CPEB2: variants seen among roughly 807,000 people sequenced by gnomAD.
CPEB2 encodes the protein cytoplasmic polyadenylation element-binding protein 2.
Under a neutral mutation model 93.6 loss-of-function variants are expected in CPEB2, and 56 were observed. The ratio of observed to expected loss-of-function variants is 0.60; its 90% CI spans 0.48 to 0.75. The LOEUF (loss-of-function observed/expected upper bound fraction) is 0.75, where lower values mean the gene tolerates loss of function less well. CPEB2 is among the 30% of genes least tolerant of loss of function. The pLI is 0.00. For missense variants in CPEB2, 1,579 were observed against 1,395.1 expected (o/e 1.13, Z -2.10); for synonymous variants, 764 against 586.3 (o/e 1.30, Z -4.38).
intron 4 of CPEB2, among the ~76,000 whole-genome samples, chr4:15,031,274 G>A (rs1347409417): frequency 7.1e-6 from 1 of 141,680 alleles, no homozygotes; most frequent in African/African-American, 2.6e-5. Context: ...GTAGGAGTTT[G>A]TTTTTTTTTT....
rs1433542701 is a variant in CPEB2 at position 15,030,425 on chromosome 4, GA to G, written c.2126-2734del. Among the ~76,000 whole-genome samples, 5 of 152,138 alleles carry G rather than the reference GA, an allele frequency of 3.3e-5. No homozygotes were observed. In the East Asian group the frequency reaches 9.7e-4, roughly 29 times the overall value. ...ATATAGTGTTGTCATCTTAAAATGGGAAGATAATAATACCTAACTCATAGGA... is the reference window on the plus strand; with the variant it reads ...ATATAGTGTTGTCATCTTAAAATGGGAGATAATAATACCTAACTCATAGGA... On this transcript the variant is annotated intron_variant, in intron 4 of 11. Transcript: ENST00000538197.
chr4:15,026,340 C>T (rs2109013509), intron 4 of CPEB2, among the ~76,000 whole-genome samples: 1 of 151,984 alleles, frequency 6.6e-6, no homozygotes, highest in South Asian at 2.1e-4. Flanking sequence ...GATTGTCCTG[C>T]CTCAGCTTCC....
At chr4:15,017,514 C>T in intron 4 of CPEB2, 1 of 311,454 alleles carries the variant, frequency 3.2e-6, no homozygotes, top group Non-Finnish European at 5.9e-6. Flanking sequence ...TAGAGACATG[C>T]TTCAGTTCAC....
At chr4:15,041,255 T>A (rs577454977) in intron 6 of CPEB2, among the ~76,000 whole-genome samples, 9 of 152,284 alleles carry the variant, frequency 5.9e-5, no homozygotes, top group African/African-American at 1.9e-4. Flanking sequence ...AGTATGCTAC[T>A]AGATTGTTCT....
rs1287972956 is a variant in CPEB2, at chr4:15,067,439, T to C, written c.*1059T>C. The C allele has an allele frequency of 8.5e-5, 13 of 152,450 alleles. No homozygotes were observed. The Admixed American group carries it at 8.5e-4, about 10-fold the overall frequency. The allele number at this position is 152,450 out of a possible 1,614,324, so 9.4% of individuals were successfully genotyped here. On this transcript the variant is annotated 3_prime_UTR_variant, in exon 12 of 12. Transcript: ENST00000538197. Reference sequence around the variant, plus strand: ...TTTTGTGACGTGCGGTTCTAATTCATGTGCAGTGATATAGTATAGATAAAA... The same window carrying C: ...TTTTGTGACGTGCGGTTCTAATTCACGTGCAGTGATATAGTATAGATAAAA...
intron 11 of CPEB2, among the ~76,000 whole-genome samples, chr4:15,063,069 T>C (rs1019382614): frequency 6.6e-6 from 1 of 152,082 alleles, no homozygotes; most frequent in Non-Finnish European, 1.5e-5. Context: ...AATATGCGGG[T>C]AAATGAATTT....
At chr4:15,008,820 A>G (rs990213439) in intron 3 of CPEB2, among the ~76,000 whole-genome samples, 1 of 152,142 alleles carries the variant, frequency 6.6e-6, no homozygotes, top group South Asian at 2.1e-4. Context: ...TTTTCAGTAA[A>G]TTTTTGTCAT....
intron 4 of CPEB2, among the ~76,000 whole-genome samples, chr4:15,032,704 C>T (rs1726244137): frequency 6.6e-6 from 1 of 151,848 alleles, no homozygotes; most frequent in Non-Finnish European, 1.5e-5. Flanking sequence ...AATTTTTCTG[C>T]TTATTTTTTA....
At chr4:15,028,254 T>C (rs1259607324) in intron 4 of CPEB2, among the ~76,000 whole-genome samples, 1 of 152,008 alleles carries the variant, frequency 6.6e-6, no homozygotes, top group Non-Finnish European at 1.5e-5. Context: ...TAAGCAGGAC[T>C]TTTGCAATAT....
At chr4:15,011,760 A>G (rs1258976695) in intron 3 of CPEB2, among the ~76,000 whole-genome samples, 1 of 152,222 alleles carries the variant, frequency 6.6e-6, no homozygotes, top group African/African-American at 2.4e-5. Flanking sequence ...CATATGACAT[A>G]TCAGCTCACT....
rs1017569860 is a variant in CPEB2 at position 15,044,834 on chromosome 4, TAC to T, written c.2200+4356_2200+4357del. Among the ~76,000 whole-genome samples the T allele has an allele frequency of 3.9e-4, 60 of 152,246 alleles. 1 individual carries two copies. The highest frequency in any genetic ancestry group is 1.3e-3 in the African/African-American group (53 of 41,566). ...CATGGATGTGTGCCGCACATACACC[TAC>T]ACACACACGGAGACCAGAGACCATA... On this transcript the variant is annotated intron_variant, in intron 6 of 11. Coordinates refer to ENST00000538197, the MANE Select transcript of CPEB2 (RefSeq NM_001177382.2).
chr4:15,033,100 T>C, intron 4 of CPEB2, 61 bp from the exon 5 acceptor site: 2 of 1,228,788 alleles, frequency 1.6e-6, no homozygotes, highest in Non-Finnish European at 2.3e-6. Context: ...TTTTGTTTTT[T>C]TGTTTTTGCT....
chr4:15,059,356 C>A lies in CPEB2; in HGVS notation c.2695+55C>A. On this transcript the variant is annotated intron_variant, in intron 10 of 11. Coordinates refer to ENST00000538197, the MANE Select transcript of CPEB2 (RefSeq NM_001177382.2). ...AAAAATCATTTAAATATGTCCTAGTCAATTTAATAAACGTTTGGAAGCTAT... is the reference window on the plus strand; with the variant it reads ...AAAAATCATTTAAATATGTCCTAGTAAATTTAATAAACGTTTGGAAGCTAT... 3 of 1,149,790 alleles carry A rather than the reference C, an allele frequency of 2.6e-6. No individual in the cohort carries two copies. The South Asian group carries it at 3.9e-5, about 15-fold the overall frequency. The allele number at this position is 1,149,790 out of a possible 1,614,324, so 71.2% of individuals were successfully genotyped here.
intron 4 of CPEB2, among the ~76,000 whole-genome samples, chr4:15,027,453 G>T (rs898375470): frequency 1.3e-5 from 2 of 152,156 alleles, no homozygotes; most frequent in Non-Finnish European, 2.9e-5. Flanking sequence ...CTTTTATGAG[G>T]CATGCATTGA....
chr4:15,004,175 C>A lies in CPEB2; in HGVS notation c.1502C>A (p.Pro501Gln). ...TCGGCTACCGCTGTGCCCCCTCCGC[C>A]GCCGCCCGCCATGAATATACCTCAA... Reference protein sequence around the residue: ...PFSATAVPPPPPPAMNIPQQQ... With the variant: ...PFSATAVPPPQPPAMNIPQQQ... Residue 501 changes from proline to glutamine, a missense_variant, in exon 1 of 12, where the codon CCG becomes CAG. Physicochemically the swap from Pro to Gln is moderately conservative, Grantham distance 76. This residue lies in a region of CPEB2 where 1,411 missense variants were observed against 1,056.0 expected (regional missense o/e 1.34). Coordinates refer to ENST00000538197, the MANE Select transcript of CPEB2 (RefSeq NM_001177382.2). 6.9e-7 allele frequency: 1 copy of A among 1,445,712 alleles called. No individual in the cohort carries two copies. Among genetic ancestry groups the A allele is most frequent in the Non-Finnish European group, 9.0e-7 (1 of 1,109,402 alleles). 89.6% of individuals were successfully genotyped at this position (1,445,712 alleles called of 1,614,324 possible). A position where few individuals can be genotyped will look rare whatever the true frequency, so the allele number is the denominator to read the frequency against.
intron 11 of CPEB2, among the ~76,000 whole-genome samples, chr4:15,065,307 C>G (rs1202478877): frequency 4.6e-5 from 7 of 152,050 alleles, no homozygotes; most frequent in Admixed American, 1.3e-4. Context: ...TCAGAACACT[C>G]AGTGTTCTGT....
At chr4:15,020,586 T>C (rs1325713969) in intron 4 of CPEB2, among the ~76,000 whole-genome samples, 1 of 152,122 alleles carries the variant, frequency 6.6e-6, no homozygotes, top group Non-Finnish European at 1.5e-5. Flanking sequence ...GAACCTCCAT[T>C]GTTTAATGTT....
chr4:15,007,808 G>T (rs190470374), intron 2 of CPEB2, among the ~76,000 whole-genome samples: 30 of 152,220 alleles, frequency 2.0e-4, no homozygotes, highest in African/African-American at 6.7e-4. Flanking sequence ...TTAGTAAAAC[G>T]TAGAAAAACC....
chr4:15,029,228 A>G (rs540323241), intron 4 of CPEB2, among the ~76,000 whole-genome samples: 2 of 151,466 alleles, frequency 1.3e-5, no homozygotes, highest in Middle Eastern at 3.4e-3. Flanking sequence ...ACATTTTGGA[A>G]TTTTTTTTTC....
Sources: gnomAD v4.1 joint callset for allele counts (sites outside exome capture counted in the v4.1 genomes callset) on GRCh38, gnomAD v4.1.1 for gene constraint, gnomAD v4.1.1 regional missense constraint, MANE v1.5 for transcripts, NCBI Gene and HGNC (gene_info 2026-07-23, HGNC 2026-07-21) for gene names.